Variants in HACE1 observed in about 807,000 individuals in gnomAD.
HACE1 encodes the protein HECT domain and ankyrin repeat containing E3 ubiquitin protein ligase 1.
HACE1 carries 73 observed loss-of-function variants against 118.4 expected under a neutral mutation model. That is an observed-to-expected ratio of 0.62 (90% confidence interval 0.51 to 0.75). The LOEUF is 0.75. Among genes scored for constraint, HACE1 ranks in the 30% least tolerant of loss-of-function variants. The probability of loss-of-function intolerance (pLI) is 0.00; values close to 1 mark genes in which losing one functional copy is unlikely to be tolerated. For synonymous variants in HACE1, 368 were observed against 374.8 expected (o/e 0.98, Z 0.21); for missense variants, 749 against 1,102.2 (o/e 0.68, Z 4.54).
intron 6 of HACE1, among the ~76,000 whole-genome samples, chr6:104,830,561 C>A (rs970491058): frequency 1.3e-5 from 2 of 151,922 alleles, no homozygotes; most frequent in African/African-American, 4.8e-5. Context: ...CATCCTGAAA[C>A]CAGGTTAAGG....
intron 19 of HACE1, among the ~76,000 whole-genome samples, chr6:104,762,553 G>A (rs1285360668): frequency 1.3e-5 from 2 of 152,098 alleles, no homozygotes; most frequent in South Asian, 2.1e-4. Flanking sequence ...CCTGCTGAGG[G>A]TGGGGGGCTA....
At chr6:104,844,304 G>A (rs1775416073) in intron 4 of HACE1, among the ~76,000 whole-genome samples, 1 of 151,260 alleles carries the variant, frequency 6.6e-6, no homozygotes, top group Non-Finnish European at 1.5e-5. Context: ...CAAAGTGCAG[G>A]GATTACAGGC....
intron 6 of HACE1, among the ~76,000 whole-genome samples, chr6:104,823,018 T>A (rs1772943705): frequency 6.6e-6 from 1 of 152,226 alleles, no homozygotes; most frequent in South Asian, 2.1e-4. Context: ...AAAAAAAACA[T>A]GATTTACAAT....
chr6:104,790,727 C>T lies in HACE1; in HGVS notation c.1074+777G>A, dbSNP rs1782941469. Among the ~76,000 whole-genome samples, 3 of 152,104 alleles carry T rather than the reference C, an allele frequency of 2.0e-5. No homozygotes were observed. The South Asian group carries it at 6.2e-4, about 32-fold the overall frequency. Reference sequence around the variant, plus strand: ...CCATGATTGTGCCACTGCATTCCAGCCTAGGCAACAGAGTGAGGCTCCGTT... The same window carrying T: ...CCATGATTGTGCCACTGCATTCCAGTCTAGGCAACAGAGTGAGGCTCCGTT... On this transcript the variant is annotated intron_variant, in intron 11 of 23. Coordinates refer to ENST00000262903, the MANE Select transcript of HACE1 (RefSeq NM_020771.4).
intron 4 of HACE1, chr6:104,845,963 CT>C (rs1289073606): frequency 4.6e-5 from 7 of 152,114 alleles, no homozygotes; most frequent in Non-Finnish European, 1.0e-4. Context: ...TTTCTAAAAC[CT>C]TTCAGAAGCC....
At chr6:104,747,109 A>C (rs1468958106) in intron 20 of HACE1, among the ~76,000 whole-genome samples, 3 of 152,218 alleles carry the variant, frequency 2.0e-5, no homozygotes, top group African/African-American at 2.4e-5. Context: ...TATTAAGAAA[A>C]ATATTTTAAG....
chr6:104,775,108 G>A (rs894975376), intron 17 of HACE1, among the ~76,000 whole-genome samples: 5 of 152,138 alleles, frequency 3.3e-5, no homozygotes, highest in African/African-American at 1.2e-4. Flanking sequence ...TTGGGAGGCC[G>A]AGGCGGGTAG....
At chr6:104,738,365 A>T (rs1776185892) in intron 22 of HACE1, among the ~76,000 whole-genome samples, 1 of 150,328 alleles carries the variant, frequency 6.7e-6, no homozygotes, top group African/African-American at 2.4e-5. Context: ...CGATCAAATT[A>T]CTCTGAGCTA....
intron 11 of HACE1, among the ~76,000 whole-genome samples, 167 bp downstream of exon 11, chr6:104,791,337 T>G (rs1016183930): frequency 6.6e-6 from 1 of 152,198 alleles, no homozygotes; most frequent in Admixed American, 6.5e-5. Flanking sequence ...AACTTGCTGT[T>G]GATTAGACAG....
intron 22 of HACE1, among the ~76,000 whole-genome samples, chr6:104,735,354 T>TGC (rs1184859573): frequency 6.6e-6 from 1 of 151,880 alleles, no homozygotes; most frequent in Non-Finnish European, 1.5e-5. Context: ...ATGGGCCGGG[T>TGC]GCGGTGGCTC....
intron 10 of HACE1, among the ~76,000 whole-genome samples, chr6:104,792,487 T>A (rs925199370): frequency 1.3e-5 from 2 of 152,188 alleles, no homozygotes; most frequent in Non-Finnish European, 2.9e-5. Context: ...AAACACAGTA[T>A]TTTTGTTGGT....
chr6:104,796,666 G>A lies in HACE1; in HGVS notation c.805C>T (p.Arg269Ter), dbSNP rs750371878. 10 of 1,488,426 alleles carry A rather than the reference G, an allele frequency of 6.7e-6. No individual in the cohort carries two copies. Among genetic ancestry groups the A allele is most frequent in the South Asian group, 4.5e-5 (4 of 88,386 alleles). 92.2% of individuals were successfully genotyped at this position (1,488,426 alleles called of 1,614,324 possible). A position where few individuals can be genotyped will look rare whatever the true frequency, so the allele number is the denominator to read the frequency against. The change falls in exon 9 of 24, where the codon CGA becomes TGA. Residue 269 changes from arginine to a stop codon, truncating the protein, a stop_gained. Transcript: ENST00000262903. LOFTEE classifies it high-confidence loss of function. ...CACAAATACAATACCATGTTTTCTC[G>A]GAGGTCTTCATTCTGTGTCATTTGA... ...IIQMTQNEDL[R>*]ENMLRQVLEH...
chr6:104,763,154 T>C (rs1254054631), intron 19 of HACE1, among the ~76,000 whole-genome samples: 3 of 152,098 alleles, frequency 2.0e-5, no homozygotes, highest in Admixed American at 6.6e-5. Context: ...GAAGTGTGTT[T>C]TCATGTTTTC....
intron 6 of HACE1, among the ~76,000 whole-genome samples, chr6:104,823,099 T>A (rs369036934): frequency 3.9e-5 from 6 of 152,258 alleles, no homozygotes; most frequent in African/African-American, 1.4e-4. Flanking sequence ...TTTTAATATA[T>A]CCTACAAAGA....
At chr6:104,796,148 G>A (rs528391276) in intron 9 of HACE1, among the ~76,000 whole-genome samples, 6 of 152,086 alleles carry the variant, frequency 3.9e-5, no homozygotes, top group Non-Finnish European at 8.8e-5. Context: ...GTATCGCCCA[G>A]GCTAGAGTGT....
chr6:104,770,380 T>C (rs1780480033), intron 19 of HACE1, among the ~76,000 whole-genome samples: 1 of 152,090 alleles, frequency 6.6e-6, no homozygotes, highest in African/African-American at 2.4e-5. Flanking sequence ...ATTTAAAACA[T>C]ATGCAAAGAT....
At chr6:104,855,336 G>A (rs1049850690) in intron 1 of HACE1, among the ~76,000 whole-genome samples, 8 of 152,032 alleles carry the variant, frequency 5.3e-5, no homozygotes, top group African/African-American at 1.7e-4. Context: ...CCAGCTACTC[G>A]GGAGGTCGAG....
At chr6:104,738,336 G>A (rs548281821) in intron 22 of HACE1, among the ~76,000 whole-genome samples, 2 of 151,916 alleles carry the variant, frequency 1.3e-5, no homozygotes, top group South Asian at 4.1e-4. Flanking sequence ...TTGATGAGCT[G>A]AGAGAAGAAG....
At chr6:104,747,092 A>G (rs1265277347) in intron 20 of HACE1, among the ~76,000 whole-genome samples, 1 of 152,216 alleles carries the variant, frequency 6.6e-6, no homozygotes, top group Non-Finnish European at 1.5e-5. Flanking sequence ...CCAGAATAAA[A>G]TGTACATATT....
Sources: gnomAD v4.1 joint callset for allele counts (sites outside exome capture counted in the v4.1 genomes callset) on GRCh38, gnomAD v4.1.1 for gene constraint, MANE v1.5 for transcripts, NCBI Gene and HGNC (gene_info 2026-07-23, HGNC 2026-07-21) for gene names.